The following BICD1 variants were observed in gnomAD, a reference collection of about 807,000 sequenced individuals.
BICD1 encodes the protein protein bicaudal D homolog 1.
A neutral mutation model predicts 92.5 loss-of-function variants in BICD1; 35 were observed. The observed-to-expected ratio is 0.38, with a 90% CI of 0.29 to 0.50. The LOEUF is 0.50. Ranked by LOEUF, BICD1 falls within the 20% of genes least tolerant of loss-of-function variation. The probability of loss-of-function intolerance (pLI) is 0.93; values close to 1 mark genes in which losing one functional copy is unlikely to be tolerated. For missense variants in BICD1, 950 were observed against 1,189.8 expected (o/e 0.80, Z 2.97); for synonymous variants, 429 against 465.1 (o/e 0.92, Z 1.00).
At chr12:32,354,587 C>T (rs770231081) in intron 8 of BICD1, among the ~76,000 whole-genome samples, 2 of 152,056 alleles carry the variant, frequency 1.3e-5, no homozygotes, top group African/African-American at 2.4e-5. Flanking sequence ...AGATTTCACC[C>T]GATAAGTCAG....
In BICD1 at chr12:32,154,922, C is replaced by T. The variant is rs112669231; in HGVS notation, c.213+47378C>T. On this transcript the variant is annotated intron_variant, in intron 1 of 9. Transcript: ENST00000652176. ...CCTGTATCCAATTAAAATGATCCCT[C>T]GTCAGTTTTTCCTCTGATTCAAACA... Among the ~76,000 whole-genome samples, 625 of 152,176 alleles carry T rather than the reference C, an allele frequency of 4.1e-3. 2 individuals carry two copies. The highest frequency in any genetic ancestry group is 0.015 in the African/African-American group (604 of 41,506).
intron 1 of BICD1, among the ~76,000 whole-genome samples, chr12:32,131,402 C>T (rs888490898): frequency 6.6e-6 from 1 of 152,152 alleles, no homozygotes; most frequent in Non-Finnish European, 1.5e-5. Context: ...GCTCTCTCAT[C>T]GGATGATTAT....
intron 2 of BICD1, among the ~76,000 whole-genome samples, chr12:32,278,276 T>C (rs1246047130): frequency 6.6e-6 from 1 of 152,196 alleles, no homozygotes; most frequent in Non-Finnish European, 1.5e-5. Flanking sequence ...TGGATATTCA[T>C]AGTTATAAGA....
chr12:32,262,496 C>A (rs1002959493), intron 2 of BICD1, among the ~76,000 whole-genome samples: 1 of 148,924 alleles, frequency 6.7e-6, no homozygotes, highest in African/African-American at 2.5e-5. Context: ...GCATAGTGGC[C>A]CCCAAAAGAT....
At chr12:32,111,676 C>T (rs192640266) in intron 1 of BICD1, among the ~76,000 whole-genome samples, 96 of 151,552 alleles carry the variant, frequency 6.3e-4, no homozygotes, top group African/African-American at 2.3e-3. Flanking sequence ...GGTGTGATCT[C>T]GGCTCACTGC....
At chr12:32,325,760 T>G (rs1318097189) in intron 4 of BICD1, among the ~76,000 whole-genome samples, 1 of 152,056 alleles carries the variant, frequency 6.6e-6, no homozygotes, top group Non-Finnish European at 1.5e-5. Context: ...AGGGATTTAA[T>G]GTATGATCCA....
chr12:32,152,979 G>A (rs1213127168), intron 1 of BICD1, among the ~76,000 whole-genome samples: 2 of 151,964 alleles, frequency 1.3e-5, no homozygotes, highest in East Asian at 3.9e-4. Context: ...GAGGTATATC[G>A]TGTCATGCTG....
At chr12:32,202,458 A>G (rs985280513) in intron 1 of BICD1, among the ~76,000 whole-genome samples, 15 of 151,878 alleles carry the variant, frequency 9.9e-5, no homozygotes, top group Non-Finnish European at 1.9e-4. Flanking sequence ...AAAGGAAAAA[A>G]CTCTAGGTCT....
In BICD1 at chr12:32,189,698, A is replaced by ATTT. The variant is rs199713940; in HGVS notation, c.214-26533_214-26531dup. On this transcript the variant is annotated intron_variant, in intron 1 of 9. Coordinates refer to ENST00000652176, the MANE Select transcript of BICD1 (RefSeq NM_001714.4). ...GTGGGGGATAAGTAAAAGTGTAGTA[A>ATTT]TTTTTTTTTTTTTTTTTTGAGACAG... is the stretch of plus-strand genomic sequence containing the variant. Among the ~76,000 whole-genome samples, 368 of 140,558 alleles carry ATTT rather than the reference A, an allele frequency of 2.6e-3. 1 individual carries two copies. The highest frequency in any genetic ancestry group is 9.3e-3 in the African/African-American group (356 of 38,138). The allele number at this position is 140,558 out of a possible 152,430, so 92.2% of individuals were successfully genotyped here. A position where few individuals can be genotyped will look rare whatever the true frequency, so the allele number is the denominator to read the frequency against.
chr12:32,225,619 C>CTTTTTTTTTTTTTT (rs1555150859), intron 2 of BICD1, among the ~76,000 whole-genome samples: 8 of 29,208 alleles, frequency 2.7e-4, no homozygotes, highest in Admixed American at 1.5e-3. Context: ...TTCTTTTTTT[C>CTTTTTTTTTTTTTT]TGTTTTTTTT....
chr12:32,181,127 A>T (rs1944260549), intron 1 of BICD1, among the ~76,000 whole-genome samples: 1 of 151,902 alleles, frequency 6.6e-6, no homozygotes, highest in South Asian at 2.1e-4. Flanking sequence ...TTATAAAAAA[A>T]TTACACTTTT....
At chr12:32,316,975 C>T (rs192827114) in intron 4 of BICD1, among the ~76,000 whole-genome samples, 17 of 152,168 alleles carry the variant, frequency 1.1e-4, no homozygotes, top group South Asian at 6.2e-4. Context: ...TTTGTCCTTG[C>T]GGTAGTTTGC....
Position 32,368,981 on chromosome 12 carries a change from C to T in BICD1, c.2840+1236C>T, listed in dbSNP as rs1179429446. Among the ~76,000 whole-genome samples, 3 of 152,220 alleles carry T rather than the reference C, an allele frequency of 2.0e-5. No homozygotes were observed. The South Asian group carries it at 6.2e-4, about 31-fold the overall frequency. Reference sequence around the variant, plus strand: ...AAAAGTGTTTCTGTGTTTCTGTTCTCTGTCCACTCAGTAGCCTTGGTAAAA... The same window carrying T: ...AAAAGTGTTTCTGTGTTTCTGTTCTTTGTCCACTCAGTAGCCTTGGTAAAA... On this transcript the variant is annotated intron_variant, in intron 9 of 9. Transcript: ENST00000652176.
At chr12:32,181,297 G>A (rs373984034) in intron 1 of BICD1, among the ~76,000 whole-genome samples, 1 of 151,670 alleles carries the variant, frequency 6.6e-6, no homozygotes, top group East Asian at 1.9e-4. Flanking sequence ...GCATGCGCCT[G>A]TAATCCTAGC....
chr12:32,139,936 G>T (rs1159555880), intron 1 of BICD1, among the ~76,000 whole-genome samples: 1 of 152,190 alleles, frequency 6.6e-6, no homozygotes, highest in African/African-American at 2.4e-5. Context: ...TCTTCTATAA[G>T]GTCTTATACC....
intron 4 of BICD1, among the ~76,000 whole-genome samples, chr12:32,311,024 C>T (rs1016580006): frequency 6.6e-6 from 1 of 152,066 alleles, no homozygotes; most frequent in South Asian, 2.1e-4. Context: ...ATGCCTCTGT[C>T]GACGAAGCAA....
At chr12:32,289,603 T>C (rs935936641) in intron 2 of BICD1, among the ~76,000 whole-genome samples, 1 of 152,132 alleles carries the variant, frequency 6.6e-6, no homozygotes, top group Non-Finnish European at 1.5e-5. Context: ...CCAGGATGGT[T>C]TGATCTCTCG....
chr12:32,153,872 G>A (rs1043385670), intron 1 of BICD1, among the ~76,000 whole-genome samples: 3 of 151,246 alleles, frequency 2.0e-5, no homozygotes, highest in Non-Finnish European at 2.9e-5. Flanking sequence ...TATATATGAT[G>A]TTTATTAGCC....
intron 1 of BICD1, among the ~76,000 whole-genome samples, chr12:32,114,027 G>A (rs1029839285): frequency 3.3e-5 from 5 of 152,044 alleles, no homozygotes; most frequent in Non-Finnish European, 2.9e-5. Flanking sequence ...GCGCCACCAC[G>A]CCTGGCTAGT....
Sources: allele counts gnomAD v4.1 joint callset (sites outside exome capture counted in the v4.1 genomes callset), GRCh38; gene constraint gnomAD v4.1.1; transcripts MANE v1.5; gene names NCBI Gene and HGNC (gene_info 2026-07-23, HGNC 2026-07-21).